The following MROH1 variants were observed in gnomAD, a reference collection of about 807,000 sequenced individuals.
MROH1 encodes the protein maestro heat like repeat family member 1.
Under a neutral mutation model 116.5 loss-of-function variants are expected in MROH1, and 117 were observed. That is an observed-to-expected ratio of 1.00 (90% CI 0.86 to 1.17). The LOEUF (loss-of-function observed/expected upper bound fraction) is 1.17, where lower values mean the gene tolerates loss of function less well. MROH1 is among the 50% of genes most tolerant of loss of function. The pLI, the probability that MROH1 is intolerant of heterozygous loss-of-function variation, is 0.00. For synonymous variants in MROH1, 921 were observed against 583.9 expected (o/e 1.58, Z -8.32); for missense variants, 1,873 against 1,338.5 (o/e 1.40, Z -6.23).
rs145572690 is a variant in MROH1 at position 144,220,906 on chromosome 8, C to T, written c.1215+233C>T. Among the ~76,000 whole-genome samples, 75 of 152,306 alleles carry T rather than the reference C, an allele frequency of 4.9e-4. 1 individual carries two copies. Among genetic ancestry groups the T allele is most frequent in the African/African-American group, 1.6e-3 (65 of 41,568 alleles). ...CCTACACTGGCACCAGTTATAGGCC[C>T]GCGGGTCCCTAGCCCCTCCTTCAGG... On this transcript the variant is annotated intron_variant, in intron 13 of 43. Transcript: ENST00000326134.
chr8:144,186,120 ATTTTT>A (rs35879853), intron 7 of MROH1, among the ~76,000 whole-genome samples: 5 of 137,242 alleles, frequency 3.6e-5, no homozygotes. Context: ...ACAGTTTCCA[ATTTTT>A]TTTTTTTTTT....
At chr8:144,192,518 G>A (rs1472862948) in intron 10 of MROH1, 117 bp downstream of exon 10, 1 of 836,154 alleles carries the variant, frequency 1.2e-6, no homozygotes, top group East Asian at 2.6e-5. Context: ...GTGGGGCTGA[G>A]GACTGGGCAT....
intron 12 of MROH1, among the ~76,000 whole-genome samples, chr8:144,202,238 G>C (rs1023057856): frequency 2.0e-5 from 3 of 152,000 alleles, no homozygotes; most frequent in East Asian, 1.9e-4. Flanking sequence ...GAGGCTGGCG[G>C]GGGGAGAGCC....
Position 144,163,698 on chromosome 8 carries a change from A to T in MROH1, c.-56-73A>T. ...CATTTAAATTGTGTATTTTACATGG[A>T]AATGGTAATTGCCTGTGAACTCAGA... On this transcript the variant is annotated intron_variant, in intron 2 of 43. Transcript: ENST00000326134. This position sits in a 1 kb window ranked among gnomAD's most constrained non-coding sequence, Gnocchi z 4.4. 1 of 848,098 alleles carries T rather than the reference A, an allele frequency of 1.2e-6. No individual in the cohort carries two copies. Among genetic ancestry groups the T allele is most frequent in the Non-Finnish European group, 1.9e-6 (1 of 539,692 alleles). The allele number at this position is 848,098 out of a possible 1,614,324, so 52.5% of individuals were successfully genotyped here.
chr8:144,234,498 G>GTTTTTGTTTTTTT (rs1839621583), intron 14 of MROH1, among the ~76,000 whole-genome samples: 4 of 18,090 alleles, frequency 2.2e-4, no homozygotes, highest in Non-Finnish European at 4.9e-4. Context: ...TTTCTTTTTC[G>GTTTTTGTTTTTTT]TTTTTTTTTT....
rs975884139 is a variant in MROH1, at chr8:144,182,038, C to T, written c.562+1515C>T. Among the ~76,000 whole-genome samples the T allele has an allele frequency of 2.6e-5, 4 of 152,208 alleles. No individual in the cohort carries two copies. Among genetic ancestry groups the T allele is most frequent in the African/African-American group, 7.2e-5 (3 of 41,462 alleles). Reference sequence around the variant, plus strand: ...CAGCGAAGATTCCATGGGACCTCCTCGTGTGGGACGTGTGCTCCCCACCAC... The same window carrying T: ...CAGCGAAGATTCCATGGGACCTCCTTGTGTGGGACGTGTGCTCCCCACCAC... On this transcript the variant is annotated intron_variant, in intron 7 of 43. Transcript: ENST00000326134. This position sits in a 1 kb window ranked among gnomAD's most constrained non-coding sequence, Gnocchi z 4.1.
intron 7 of MROH1, among the ~76,000 whole-genome samples, chr8:144,187,409 TAAAAA>T (rs920036389): frequency 4.6e-5 from 7 of 151,328 alleles, no homozygotes; most frequent in Non-Finnish European, 7.4e-5. Flanking sequence ...GACCCTGTCT[TAAAAA>T]AAAGAAAAAA....
chr8:144,260,139 A>G lies in MROH1; in HGVS notation c.4192-47A>G, dbSNP rs1844738776. 1.7e-5 allele frequency: 13 copies of G among 759,496 alleles called. No individual in the cohort carries two copies. In the East Asian group the frequency reaches 2.0e-4, roughly 11 times the overall value. The allele number at this position is 759,496 out of a possible 1,614,324, so 47.0% of individuals were successfully genotyped here. Reference sequence around the variant, plus strand: ...TGGAGGCCACCCTGTCTTGTGGGGTAGCAGACGGTGACTCTGGGACCCAGG... The same window carrying G: ...TGGAGGCCACCCTGTCTTGTGGGGTGGCAGACGGTGACTCTGGGACCCAGG... On this transcript the variant is annotated intron_variant, in intron 38 of 43. Transcript: ENST00000326134.
intron 10 of MROH1, among the ~76,000 whole-genome samples, chr8:144,196,290 C>CA (rs35458137): frequency 0.43 from 55,625 of 128,874 alleles, 13,226 homozygotes; most frequent in East Asian, 0.71. Flanking sequence ...ATTCCGTCTC[C>CA]AAAAAAAAAA....
chr8:144,254,625 A>G, intron 33 of MROH1, 188 bp from the exon 34 acceptor site: 1 of 589,960 alleles, frequency 1.7e-6, no homozygotes. Flanking sequence ...CTCTGTTTAC[A>G]GATCCCTGGA....
At chr8:144,260,133 T>TG in intron 38 of MROH1, 53 bp from the exon 39 acceptor site, 1 of 757,516 alleles carries the variant, frequency 1.3e-6, no homozygotes, top group South Asian at 1.4e-5. Flanking sequence ...CCCTGTCTTG[T>TG]GGGGTAGCAG....
chr8:144,223,377 T>A, intron 14 of MROH1, 147 bp downstream of exon 14: 2 of 1,084,974 alleles, frequency 1.8e-6, no homozygotes, highest in Non-Finnish European at 2.6e-6. Flanking sequence ...GTCTTTTGTT[T>A]AATAGAGACA....
chr8:144,249,649 C>T (rs923724837), intron 32 of MROH1, among the ~76,000 whole-genome samples: 1 of 152,132 alleles, frequency 6.6e-6, no homozygotes, highest in Non-Finnish European at 1.5e-5. Flanking sequence ...CCACGTTTCC[C>T]CCGCGTTCCG....
chr8:144,220,542 TG>T, intron 12 of MROH1, 57 bp from the exon 13 acceptor site: 1 of 1,483,234 alleles, frequency 6.7e-7, no homozygotes, highest in Non-Finnish European at 9.2e-7. Context: ...TGATGTGGAA[TG>T]GACCTTGAGG....
chr8:144,207,176 T>TG (rs1833006782), intron 12 of MROH1, among the ~76,000 whole-genome samples: 1 of 150,086 alleles, frequency 6.7e-6, no homozygotes, highest in African/African-American at 2.4e-5. Flanking sequence ...GTCTTTTTTT[T>TG]GGGGGGTGGG....
intron 31 of MROH1, among the ~76,000 whole-genome samples, chr8:144,248,206 G>A (rs1842227190): frequency 6.6e-6 from 1 of 152,194 alleles, no homozygotes; most frequent in African/African-American, 2.4e-5. Context: ...GGATGACCCT[G>A]GGCACCGCGT....
In MROH1 at chr8:144,258,947, C is replaced by G. The variant is rs1375927404; in HGVS notation, c.3929+33C>G. ...GGCCCAGCCCACTGCAGCTCCAGCA[C>G]TGGCTGGGCTCCACCGGATCTCGAG... On this transcript the variant is annotated intron_variant, in intron 36 of 43. Coordinates refer to ENST00000326134, the MANE Select transcript of MROH1 (RefSeq NM_032450.3). The G allele has an allele frequency of 5.7e-6, 4 of 706,748 alleles. No individual in the cohort carries two copies. The African/African-American group carries it at 7.0e-5, about 12-fold the overall frequency. The allele number at this position is 706,748 out of a possible 1,614,324, so 43.8% of individuals were successfully genotyped here. A position where few individuals can be genotyped will look rare whatever the true frequency, so the allele number is the denominator to read the frequency against.
At chr8:144,199,363 C>T (rs1830604793) in intron 11 of MROH1, among the ~76,000 whole-genome samples, 163 bp downstream of exon 11, 1 of 152,144 alleles carries the variant, frequency 6.6e-6, no homozygotes, top group South Asian at 2.1e-4. Flanking sequence ...GGCCTCTGAA[C>T]CAGGGCCTGG....
intron 12 of MROH1, among the ~76,000 whole-genome samples, chr8:144,206,202 C>G (rs577107197): frequency 2.5e-4 from 38 of 151,958 alleles, no homozygotes; most frequent in Non-Finnish European, 4.6e-4. Flanking sequence ...GGAGTGTACC[C>G]GGCCCACCGT....
Sources: gnomAD v4.1 joint callset for allele counts (sites outside exome capture counted in the v4.1 genomes callset) on GRCh38, gnomAD v4.1.1 for gene constraint, Gnocchi (gnomAD v3.1) non-coding constraint, MANE v1.5 for transcripts, NCBI Gene and HGNC (gene_info 2026-07-23, HGNC 2026-07-21) for gene names.